Variants in SEC14L1 observed in about 807,000 individuals in gnomAD.
SEC14L1 encodes SEC14 like lipid binding 1.
A neutral mutation model predicts 85.3 loss-of-function variants in SEC14L1; 48 were observed. That is an observed-to-expected ratio of 0.56 (90% confidence interval 0.45 to 0.72). The LOEUF is 0.72. Among genes scored for constraint, SEC14L1 ranks in the 30% least tolerant of loss-of-function variants. SEC14L1 has a pLI of 0.00. For synonymous variants in SEC14L1, 391 were observed against 355.5 expected (o/e 1.10, Z -1.12); for missense variants, 682 against 921.4 (o/e 0.74, Z 3.36).
At chr17:77,200,897 C>G (rs557547303) in intron 9 of SEC14L1, among the ~76,000 whole-genome samples, 1 of 152,232 alleles carries the variant, frequency 6.6e-6, no homozygotes, top group African/African-American at 2.4e-5. Context: ...TGGGACTGCT[C>G]TTTCCTCATG....
rs150849339 is a variant in SEC14L1 at position 77,160,362 on chromosome 17, A to G, written c.63+16703A>G. On this transcript the variant is annotated intron_variant, in intron 3 of 16. Coordinates refer to ENST00000436233, the MANE Select transcript of SEC14L1 (RefSeq NM_001143998.2). ...TCTGAAGGGGAATATGCACACTGCT[A>G]TTTTGTTGTTAGAGAGAGATTTGTA... Among the ~76,000 whole-genome samples, 28 of 152,324 alleles carry G rather than the reference A, an allele frequency of 1.8e-4. No homozygotes were observed. In the East Asian group the frequency reaches 3.7e-3, roughly 20 times the overall value.
upstream of SEC14L1, chr17:77,140,907 C>A: frequency 6.6e-6 from 1 of 151,394 alleles, no homozygotes; most frequent in South Asian, 2.1e-4. Context: ...TCCCGGCGCC[C>A]GGCCCCGCCC....
At chr17:77,207,329 C>T (rs1976516380) in intron 13 of SEC14L1, among the ~76,000 whole-genome samples, 1 of 146,154 alleles carries the variant, frequency 6.8e-6, no homozygotes, top group Non-Finnish European at 1.5e-5. Flanking sequence ...TTGGTGGGCT[C>T]AGGTGATCCT....
intron 3 of SEC14L1, among the ~76,000 whole-genome samples, chr17:77,129,806 C>T (rs1048326616): frequency 6.6e-6 from 1 of 152,054 alleles, no homozygotes; most frequent in African/African-American, 2.4e-5. Context: ...TGGTCTATAC[C>T]CTGTTAGCGC....
intron 3 of SEC14L1, among the ~76,000 whole-genome samples, chr17:77,162,784 G>T (rs186271625): frequency 4.6e-4 from 69 of 151,016 alleles, no homozygotes; most frequent in African/African-American, 1.5e-3. Context: ...GAGCCGAGAT[G>T]GTACCATTGC....
At chr17:77,122,645 C>G (rs1272258530) in intron 3 of SEC14L1, among the ~76,000 whole-genome samples, 1 of 152,214 alleles carries the variant, frequency 6.6e-6, no homozygotes, top group Non-Finnish European at 1.5e-5. Context: ...AGACATATTT[C>G]TAAGATGACC....
intron 3 of SEC14L1, among the ~76,000 whole-genome samples, chr17:77,174,533 G>A (rs1974662447): frequency 6.6e-6 from 1 of 152,204 alleles, no homozygotes; most frequent in South Asian, 2.1e-4. Flanking sequence ...CTTTGTCTCT[G>A]CACAGAGTTA....
intron 8 of SEC14L1, chr17:77,199,087 C>T (rs1975976966): frequency 6.6e-6 from 1 of 151,212 alleles, no homozygotes; most frequent in South Asian, 2.1e-4. Flanking sequence ...CTCACTGCAC[C>T]CTCTGCCTCC....
In SEC14L1 at chr17:77,201,562, C is replaced by T. The variant is rs868686225; in HGVS notation, c.1009+889C>T. 7.2e-5 allele frequency among the ~76,000 whole-genome samples: 11 copies of T among 151,980 alleles called. No homozygotes were observed. The Middle Eastern group carries it at 0.01, about 141-fold the overall frequency. On this transcript the variant is annotated intron_variant, in intron 9 of 16. Coordinates refer to ENST00000436233, the MANE Select transcript of SEC14L1 (RefSeq NM_001143998.2). ...ACCTTCCGGGTTCAAGCAATTCTCCCGCCTCAGCCTCCCGAGTAGTTGGGA... is the reference window on the plus strand; with the variant it reads ...ACCTTCCGGGTTCAAGCAATTCTCCTGCCTCAGCCTCCCGAGTAGTTGGGA...
chr17:77,179,441 G>T (rs748895260), intron 3 of SEC14L1, among the ~76,000 whole-genome samples: 4 of 152,082 alleles, frequency 2.6e-5, no homozygotes, highest in Non-Finnish European at 4.4e-5. Flanking sequence ...TAATGAGAAG[G>T]CCCTAGAAAA....
chr17:77,173,276 C>G (rs936891441), intron 3 of SEC14L1, among the ~76,000 whole-genome samples: 2 of 151,926 alleles, frequency 1.3e-5, no homozygotes, highest in Non-Finnish European at 2.9e-5. Context: ...TTACATTGTT[C>G]TGTCTCGCAC....
intron 3 of SEC14L1, among the ~76,000 whole-genome samples, chr17:77,122,786 C>T (rs1209513899): frequency 1.3e-5 from 2 of 152,238 alleles, no homozygotes; most frequent in East Asian, 1.9e-4. Context: ...AGAGCAGCAA[C>T]GCCACCCAAG....
At chr17:77,212,608 A>G (rs1976817359) in intron 15 of SEC14L1, 1 of 187,468 alleles carries the variant, frequency 5.3e-6, no homozygotes, top group African/African-American at 2.4e-5. Context: ...CAAACCTTCT[A>G]ATTTGTTTCA....
At chr17:77,198,306 A>G (rs1975917492) in intron 8 of SEC14L1, among the ~76,000 whole-genome samples, 1 of 152,258 alleles carries the variant, frequency 6.6e-6, no homozygotes, top group South Asian at 2.1e-4. Context: ...ATAGAGTCAT[A>G]TGGCCAGTTA....
chr17:77,211,633 G>A (rs894060662), intron 14 of SEC14L1: 4 of 372,508 alleles, frequency 1.1e-5, no homozygotes, highest in Non-Finnish European at 2.0e-5. Context: ...AACCACTCAT[G>A]TACGAGCTCA....
chr17:77,090,892 G>A (rs1377509705), intron 2 of SEC14L1, among the ~76,000 whole-genome samples: 1 of 145,600 alleles, frequency 6.9e-6, no homozygotes, highest in East Asian at 2.0e-4. Flanking sequence ...GGAGGCTGAG[G>A]TGGGGGGCTT....
intron 3 of SEC14L1, chr17:77,130,226 G>C (rs564968913): frequency 2.0e-5 from 3 of 152,296 alleles, no homozygotes; most frequent in Admixed American, 6.5e-5. Flanking sequence ...GTGTGGGGTG[G>C]AGGGGTGGTG....
intron 3 of SEC14L1, among the ~76,000 whole-genome samples, chr17:77,158,662 G>A (rs982230423): frequency 6.6e-6 from 1 of 152,046 alleles, no homozygotes; most frequent in Admixed American, 6.5e-5. Context: ...ATTCTGAATT[G>A]AATTGTACTC....
intron 7 of SEC14L1, chr17:77,195,143 T>C: frequency 3.6e-6 from 2 of 550,588 alleles, no homozygotes; most frequent in Non-Finnish European, 6.4e-6. Flanking sequence ...TTTTTATTCT[T>C]TTATGGATAC....
Sources: allele counts gnomAD v4.1 joint callset (sites outside exome capture counted in the v4.1 genomes callset), GRCh38; gene constraint gnomAD v4.1.1; transcripts MANE v1.5; gene names NCBI Gene and HGNC (gene_info 2026-07-23, HGNC 2026-07-21).